MBD5: variants seen among roughly 807,000 people sequenced by gnomAD.
MBD5 encodes methyl-CpG binding domain protein 5.
A neutral mutation model predicts 117.3 loss-of-function variants in MBD5; 13 were observed. The ratio of observed to expected loss-of-function variants is 0.11; its 90% CI spans 0.07 to 0.18. The LOEUF (loss-of-function observed/expected upper bound fraction) is 0.18, where lower values mean the gene tolerates loss of function less well. Ranked by LOEUF, MBD5 falls within the 10% of genes least tolerant of loss-of-function variation. The pLI, the probability that MBD5 is intolerant of heterozygous loss-of-function variation, is 1.00. For missense variants in MBD5, 1,879 were observed against 2,093.8 expected (o/e 0.90, Z 2.00); for synonymous variants, 727 against 766.4 (o/e 0.95, Z 0.85).
intron 3 of MBD5, among the ~76,000 whole-genome samples, chr2:148,308,317 T>C (rs1419136052): frequency 3.9e-5 from 6 of 152,180 alleles, no homozygotes; most frequent in Admixed American, 1.3e-4. Flanking sequence ...TTCTTGACTT[T>C]TTAATGATTG....
chr2:148,454,784 T>G (rs990361456), intron 4 of MBD5, among the ~76,000 whole-genome samples: 1 of 152,156 alleles, frequency 6.6e-6, no homozygotes, highest in African/African-American at 2.4e-5. Context: ...TTGTTGTTTA[T>G]TAAACTCATT....
At chr2:148,331,320 G>C (rs1702639849) in intron 3 of MBD5, among the ~76,000 whole-genome samples, 1 of 150,472 alleles carries the variant, frequency 6.6e-6, no homozygotes, top group Non-Finnish European at 1.5e-5. Context: ...GCAGTCCCCT[G>C]CTCTAAGCTT....
chr2:148,316,309 T>C (rs142569893), intron 3 of MBD5, among the ~76,000 whole-genome samples: 30 of 152,336 alleles, frequency 2.0e-4, no homozygotes, highest in Admixed American at 1.8e-3. Flanking sequence ...TTGATACTTA[T>C]TATATAATAG....
intron 1 of MBD5, among the ~76,000 whole-genome samples, chr2:148,151,219 G>T (rs1032581479): frequency 1.7e-4 from 26 of 151,974 alleles, no homozygotes; most frequent in African/African-American, 5.3e-4. Flanking sequence ...TTTGTCTTTG[G>T]CTCTGTTTAT....
chr2:148,179,082 C>T (rs1309016837), intron 2 of MBD5, among the ~76,000 whole-genome samples: 1 of 152,096 alleles, frequency 6.6e-6, no homozygotes, highest in Non-Finnish European at 1.5e-5. Context: ...TGGCCGGGCG[C>T]GGTGGCTCAC....
At chr2:148,372,421 T>C (rs1262357588) in intron 4 of MBD5, among the ~76,000 whole-genome samples, 1 of 152,090 alleles carries the variant, frequency 6.6e-6, no homozygotes, top group African/African-American at 2.4e-5. Context: ...ACAATCGACC[T>C]TTTCAGAGTG....
At chr2:148,242,627 A>G (rs940552957) in intron 3 of MBD5, among the ~76,000 whole-genome samples, 2 of 152,190 alleles carry the variant, frequency 1.3e-5, no homozygotes, top group African/African-American at 2.4e-5. Context: ...TGGAATTTCC[A>G]GTGAGAAACC....
At chr2:148,298,448 G>T (rs1701706161) in intron 3 of MBD5, among the ~76,000 whole-genome samples, 1 of 152,182 alleles carries the variant, frequency 6.6e-6, no homozygotes, top group African/African-American at 2.4e-5. Context: ...GACTCTCTTT[G>T]TTCTTCCCAA....
chr2:148,305,293 C>G (rs1031764947), intron 3 of MBD5, among the ~76,000 whole-genome samples: 7 of 152,014 alleles, frequency 4.6e-5, no homozygotes, highest in African/African-American at 1.4e-4. Context: ...CCCTGTTGTT[C>G]AAAGGAAAGA....
At chr2:148,389,085 C>T (rs1704468908) in intron 4 of MBD5, among the ~76,000 whole-genome samples, 1 of 150,340 alleles carries the variant, frequency 6.7e-6, no homozygotes, top group Non-Finnish European at 1.5e-5. Context: ...ATTTAATTTT[C>T]TGTTTCTGAG....
At chr2:148,387,436 C>T (rs146708773) in intron 4 of MBD5, among the ~76,000 whole-genome samples, 1 of 152,020 alleles carries the variant, frequency 6.6e-6, no homozygotes, top group Non-Finnish European at 1.5e-5. Flanking sequence ...GAACATACAG[C>T]AAGTATCATT....
chr2:148,291,771 GC>G (rs563566962), intron 3 of MBD5, among the ~76,000 whole-genome samples: 1 of 152,034 alleles, frequency 6.6e-6, no homozygotes, highest in Non-Finnish European at 1.5e-5. Flanking sequence ...GCTGCTCTAA[GC>G]AAAAGAACAA....
intron 2 of MBD5, among the ~76,000 whole-genome samples, chr2:148,179,006 A>G (rs1162070841): frequency 3.3e-5 from 5 of 152,204 alleles, no homozygotes; most frequent in Non-Finnish European, 5.9e-5. Flanking sequence ...GCGGTTGATT[A>G]AAAAATAATA....
intron 8 of MBD5, among the ~76,000 whole-genome samples, chr2:148,474,714 T>A (rs1210832829): frequency 6.6e-6 from 1 of 152,134 alleles, no homozygotes; most frequent in Non-Finnish European, 1.5e-5. Flanking sequence ...TTCTTGAGTA[T>A]TTATATACTT....
intron 1 of MBD5, among the ~76,000 whole-genome samples, chr2:148,042,174 A>T (rs1169190828): frequency 6.6e-6 from 1 of 152,186 alleles, no homozygotes; most frequent in African/African-American, 2.4e-5. Context: ...CTTTCAAGAG[A>T]TGTGGAATTT....
chr2:148,222,377 C>G (rs920708484), intron 2 of MBD5, among the ~76,000 whole-genome samples: 3 of 151,994 alleles, frequency 2.0e-5, no homozygotes, highest in African/African-American at 7.2e-5. Context: ...AATATTGATT[C>G]TTCCAATCCA....
intron 1 of MBD5, among the ~76,000 whole-genome samples, chr2:148,126,405 CAAAA>C (rs11308422): frequency 1.2e-4 from 11 of 92,508 alleles, no homozygotes; most frequent in Admixed American, 3.4e-4. Context: ...GACTCCATCT[CAAAA>C]AAAAAAAAAA....
At chr2:148,031,345 A>C (rs1003843917) in intron 1 of MBD5, among the ~76,000 whole-genome samples, 12 of 152,148 alleles carry the variant, frequency 7.9e-5, no homozygotes, top group Non-Finnish European at 1.6e-4. Flanking sequence ...CTTGTAAAAA[A>C]AAAAGCAATT....
At chr2:148,417,138 T>C (rs1705443810) in intron 4 of MBD5, among the ~76,000 whole-genome samples, 1 of 152,168 alleles carries the variant, frequency 6.6e-6, no homozygotes, top group Admixed American at 6.5e-5. Context: ...AATTTTTGTT[T>C]TTTAGACAGG....
Sources: allele counts gnomAD v4.1 joint callset (sites outside exome capture counted in the v4.1 genomes callset), GRCh38; gene constraint gnomAD v4.1.1; transcripts MANE v1.5; gene names NCBI Gene and HGNC (gene_info 2026-07-23, HGNC 2026-07-21).